Variants in GAK observed in about 807,000 individuals in gnomAD.
The protein encoded by GAK is cyclin G associated kinase.
In GAK, 79 loss-of-function variants were observed where a neutral mutation model predicts 143.9. The observed-to-expected ratio is 0.55, with a 90% CI of 0.46 to 0.66. The LOEUF is 0.66. Ranked by LOEUF, GAK falls within the 30% of genes least tolerant of loss-of-function variation. The pLI is 0.00. For missense variants in GAK, 1,693 were observed against 1,779.7 expected (o/e 0.95, Z 0.88); for synonymous variants, 881 against 765.5 (o/e 1.15, Z -2.49).
chr4:865,938 C>T (rs2152741961), intron 22 of GAK, among the ~76,000 whole-genome samples: 1 of 152,380 alleles, frequency 6.6e-6, no homozygotes, highest in African/African-American at 2.4e-5. Context: ...GGATACGGTG[C>T]CCCACGGCCC....
chr4:881,814 A>G (rs1326038920), intron 15 of GAK, 93 bp downstream of exon 15: 13 of 1,396,942 alleles, frequency 9.3e-6, no homozygotes, highest in Admixed American at 2.5e-5. Context: ...CTGCAGCGGC[A>G]CCGACTGGCC....
chr4:870,672 C>A (rs377642476), intron 19 of GAK, 39 bp downstream of exon 19: 6 of 1,601,436 alleles, frequency 3.7e-6, no homozygotes, highest in African/African-American at 2.7e-5. Flanking sequence ...GAGACACTCA[C>A]CAGAACAGGG....
In GAK at chr4:893,729, C is replaced by A. The variant is rs561526979; in HGVS notation, c.877+145G>T. 2,425 of 1,042,962 alleles carry A rather than the reference C, an allele frequency of 2.3e-3. 52 individuals carry two copies. The African/African-American group carries it at 0.033, about 14-fold the overall frequency. 64.6% of individuals were successfully genotyped at this position (1,042,962 alleles called of 1,614,324 possible). ...CGGCAGGGGAGCTCTCTGGAAACCC[C>A]CCCCCCAGGGATGTTGTCAAAACTA... On this transcript the variant is annotated intron_variant, in intron 8 of 27. Transcript: ENST00000314167.
intron 8 of GAK, 95 bp from the exon 9 acceptor site, chr4:893,584 C>G: frequency 1.2e-6 from 1 of 841,958 alleles, no homozygotes; most frequent in East Asian, 3.0e-5. Flanking sequence ...AGAGGCCACT[C>G]CCTCTACACA....
chr4:919,265 C>A (rs1221421303), intron 1 of GAK, among the ~76,000 whole-genome samples: 1 of 151,252 alleles, frequency 6.6e-6, no homozygotes. Context: ...CAGAAGGCTC[C>A]AAAGGCCTCA....
chr4:857,769 C>G (rs1180211819), intron 24 of GAK, among the ~76,000 whole-genome samples: 1 of 152,190 alleles, frequency 6.6e-6, no homozygotes, highest in East Asian at 1.9e-4. Context: ...GCTCCTCATT[C>G]TTTCTTTCCT....
At chr4:859,250 C>G in intron 24 of GAK, 1 of 1,212,342 alleles carries the variant, frequency 8.2e-7, no homozygotes, top group Non-Finnish European at 1.1e-6. Flanking sequence ...AGCTAGCACG[C>G]TCCGAGCACA....
At chr4:913,790 A>G (rs949799717) in intron 1 of GAK, 122 bp from the exon 2 acceptor site, 8 of 814,488 alleles carry the variant, frequency 9.8e-6, no homozygotes, top group Admixed American at 3.9e-5. Flanking sequence ...GTTTTCTACA[A>G]AACATAATGG....
At position 913,700 on chromosome 4, in the gene GAK, C is replaced by T. The variant is rs746551958; in HGVS notation, c.146-32G>A. 9.0e-6 allele frequency: 14 copies of T among 1,552,886 alleles called. No individual in the cohort carries two copies. The East Asian group carries it at 1.8e-4, about 20-fold the overall frequency. On this transcript the variant is annotated intron_variant, in intron 1 of 27. Transcript: ENST00000314167. ...ATTAAAAAGACTTGTCAGTTCAATGCTATGATTTTATTTAACATATCAGGC... is the reference window on the plus strand; with the variant it reads ...ATTAAAAAGACTTGTCAGTTCAATGTTATGATTTTATTTAACATATCAGGC...
chr4:874,307 CCA>C (rs1411855508), intron 18 of GAK, among the ~76,000 whole-genome samples: 3 of 152,324 alleles, frequency 2.0e-5, no homozygotes, highest in Non-Finnish European at 1.5e-5. Flanking sequence ...TGTCATTTCA[CCA>C]CAGAGTCATG....
chr4:865,844 G>C (rs1476753649), intron 22 of GAK, among the ~76,000 whole-genome samples: 2 of 152,238 alleles, frequency 1.3e-5, no homozygotes, highest in Non-Finnish European at 2.9e-5. Context: ...CTGGAGGGGC[G>C]CGCAGCCCTC....
At chr4:927,739 C>CG (rs1346329648) in intron 1 of GAK, among the ~76,000 whole-genome samples, 2 of 148,366 alleles carry the variant, frequency 1.3e-5, no homozygotes, top group African/African-American at 5.0e-5. Flanking sequence ...TGCTTACCTG[C>CG]GCTCTGCACT....
At chr4:929,471 A>G (rs542797882) in intron 1 of GAK, among the ~76,000 whole-genome samples, 2 of 152,298 alleles carry the variant, frequency 1.3e-5, no homozygotes, top group South Asian at 4.1e-4. Flanking sequence ...AAGCAACGGC[A>G]CGCAGAACCC....
intron 24 of GAK, among the ~76,000 whole-genome samples, chr4:858,891 T>C (rs866659927): frequency 1.3e-5 from 2 of 152,332 alleles, no homozygotes; most frequent in African/African-American, 2.4e-5. Flanking sequence ...TGGGGCTGCA[T>C]GCTGGAGCGT....
At chr4:881,860 C>A (rs1715182731) in intron 15 of GAK, 47 bp downstream of exon 15, 1 of 1,526,148 alleles carries the variant, frequency 6.6e-7, no homozygotes, top group Non-Finnish European at 8.9e-7. Flanking sequence ...GGCAGTGCCA[C>A]ACGGGCCCAC....
At position 932,142 on chromosome 4, in the gene GAK, A is replaced by G; in HGVS notation, c.46T>C (p.Ser16Pro). The change falls in exon 1 of 28, where the codon TCC (serine) becomes CCC (proline). Residue 16 changes from serine to proline, a missense_variant. Ser to Pro is a moderately conservative substitution (Grantham distance 74). Around this residue, in one of 2 missense-constraint regions of GAK, gnomAD observed 871 missense variants for 991.0 expected, o/e 0.88. Coordinates refer to ENST00000314167, the MANE Select transcript of GAK (RefSeq NM_005255.4). This position sits in a 1 kb window ranked among gnomAD's most constrained non-coding sequence, Gnocchi z 4.0. ...TCGCGGCCGGAAGCACCGCCCAGGGAGCCTGGACCCGCCAAGAAGTCGAGC... is the reference window on the plus strand; with the variant it reads ...TCGCGGCCGGAAGCACCGCCCAGGGGGCCTGGACCCGCCAAGAAGTCGAGC... Reference protein sequence around the residue: ...SALDFLAGPGSLGGASGRDQS... With the variant: ...SALDFLAGPGPLGGASGRDQS... 6.3e-7 allele frequency: 1 copy of G among 1,584,738 alleles called. No homozygotes were observed. Among genetic ancestry groups the G allele is most frequent in the Non-Finnish European group, 8.6e-7 (1 of 1,166,454 alleles).
intron 24 of GAK, 73 bp from the exon 25 acceptor site, chr4:852,047 G>A: frequency 7.9e-7 from 1 of 1,262,234 alleles, no homozygotes. Flanking sequence ...ATAACGCAGA[G>A]CACCACGTAT....
chr4:906,707 C>T (rs912169597), intron 4 of GAK, among the ~76,000 whole-genome samples: 6 of 152,112 alleles, frequency 3.9e-5, no homozygotes, highest in Admixed American at 2.0e-4. Flanking sequence ...GAGCAGCCAC[C>T]GTCACCCTCT....
chr4:859,471 C>T (rs774294403), intron 24 of GAK, 135 bp downstream of exon 24: 1 of 1,601,652 alleles, frequency 6.2e-7, no homozygotes, highest in Non-Finnish European at 8.5e-7. Context: ...CCCTTGGGCT[C>T]ACTGTGCTCT....
Sources: allele counts gnomAD v4.1 joint callset (sites outside exome capture counted in the v4.1 genomes callset), GRCh38; gene constraint gnomAD v4.1.1; regional missense constraint gnomAD v4.1.1; non-coding constraint Gnocchi (gnomAD v3.1); transcripts MANE v1.5; gene names NCBI Gene and HGNC (gene_info 2026-07-23, HGNC 2026-07-21).